KDM1B: variants seen among roughly 807,000 people sequenced by gnomAD.
KDM1B encodes the protein lysine demethylase 1B.
Under a neutral mutation model 107.4 loss-of-function variants are expected in KDM1B, and 63 were observed. That is an observed-to-expected ratio of 0.59 (90% CI 0.48 to 0.72). The LOEUF is 0.72. Ranked by LOEUF, KDM1B falls within the 30% of genes least tolerant of loss-of-function variation. KDM1B has a pLI of 0.00. For missense variants in KDM1B, 749 were observed against 1,020.8 expected (o/e 0.73, Z 3.63); for synonymous variants, 363 against 363.9 (o/e 1.00, Z 0.03).
At chr6:18,219,041 C>T (rs761507226) in intron 21 of KDM1B, among the ~76,000 whole-genome samples, 15 of 152,022 alleles carry the variant, frequency 9.9e-5, no homozygotes, top group Middle Eastern at 3.4e-3. Flanking sequence ...TAGCTGGGAC[C>T]ACAGGCGCCC....
rs1332620736 is a variant in KDM1B, at chr6:18,155,802, G to C, written c.-57-81G>C. 6.6e-6 allele frequency: 1 copy of C among 152,310 alleles called. No homozygotes were observed. The highest frequency in any genetic ancestry group is 1.5e-5 in the Non-Finnish European group (1 of 68,116). The allele number at this position is 152,310 out of a possible 1,614,324, so 9.4% of individuals were successfully genotyped here. A position where few individuals can be genotyped will look rare whatever the true frequency, so the allele number is the denominator to read the frequency against. ...GAAGAAGGGGGAATTCCCGGGCTAG[G>C]GTGTTGGGGCGTGGGGTCGCCGGGT... On this transcript the variant is annotated intron_variant, in intron 1 of 21. Transcript: ENST00000650836. This position sits in a 1 kb window ranked among gnomAD's most constrained non-coding sequence, Gnocchi z 6.2.
intron 6 of KDM1B, among the ~76,000 whole-genome samples, chr6:18,167,767 C>T (rs908345053): frequency 6.6e-6 from 1 of 151,986 alleles, no homozygotes. Context: ...AGCCACAATG[C>T]CCAATTTTTT....
rs1786839462 is a variant in KDM1B, at chr6:18,186,189, C to T, written c.573+379C>T. Among the ~76,000 whole-genome samples the T allele has an allele frequency of 6.6e-6, 1 of 152,120 alleles. No individual in the cohort carries two copies. Among genetic ancestry groups the T allele is most frequent in the Non-Finnish European group, 1.5e-5 (1 of 68,036 alleles). On this transcript the variant is annotated intron_variant, in intron 8 of 21. Transcript: ENST00000650836. This position sits in a 1 kb window ranked among gnomAD's most constrained non-coding sequence, Gnocchi z 5.6. Reference sequence around the variant, plus strand: ...AGGGCCACAATTTGATCGTCTTGGCCTGGATTCAGCTGCAGGAGTGTTCTT... The same window carrying T: ...AGGGCCACAATTTGATCGTCTTGGCTTGGATTCAGCTGCAGGAGTGTTCTT...
rs760949247 is a variant in KDM1B, at chr6:18,187,934, G to A, written c.716G>A (p.Arg239His). The A allele has an allele frequency of 5.8e-6, 9 of 1,550,280 alleles. No homozygotes were observed. The highest frequency in any genetic ancestry group is 2.7e-5 in the African/African-American group (2 of 73,028). The part of the protein sequence containing the change: ...GMSPSCTSTN[R>H]AAATGNASPG... ...AGCCCCTCCTGCACCAGCACAAACC[G>A]CGCCGCTGCCACTGGCAATGCCAGC... The change falls in exon 9 of 22, where the codon CGC (arginine) becomes CAC (histidine). Residue 239 changes from arginine (R) to histidine (H), a missense_variant. Arg to His is a conservative substitution (Grantham distance 29, BLOSUM62 0). Transcript: ENST00000650836.
intron 7 of KDM1B, 53 bp from the exon 8 acceptor site, chr6:18,185,719 T>G: frequency 2.4e-5 from 35 of 1,482,254 alleles, no homozygotes; most frequent in Non-Finnish European, 3.2e-5. Context: ...AATGGATACC[T>G]GAGACTATAT....
chr6:18,207,209 C>G (rs756872217), intron 15 of KDM1B, among the ~76,000 whole-genome samples, 189 bp from the exon 16 acceptor site: 1 of 152,144 alleles, frequency 6.6e-6, no homozygotes, highest in Non-Finnish European at 1.5e-5. Context: ...CTTTTGTTCT[C>G]AAATAAACTT....
In KDM1B at chr6:18,212,348, T is replaced by A; in HGVS notation, c.1867-140T>A. 1 of 712,436 alleles carries A rather than the reference T, an allele frequency of 1.4e-6. No homozygotes were observed. The allele number at this position is 712,436 out of a possible 1,614,324, so 44.1% of individuals were successfully genotyped here. On this transcript the variant is annotated intron_variant, in intron 17 of 21. Coordinates refer to ENST00000650836, the MANE Select transcript of KDM1B (RefSeq NM_001364614.2). This position sits in a 1 kb window ranked among gnomAD's most constrained non-coding sequence, Gnocchi z 5.2. The stretch of plus-strand genomic sequence containing the variant: ...CTGCTTAGCCAGGCATTGGCACCCT[T>A]GTGCAGTGAGCAACCTGCACAGTTG...
At chr6:18,171,993 C>G (rs1785694061) in intron 7 of KDM1B, among the ~76,000 whole-genome samples, 1 of 152,050 alleles carries the variant, frequency 6.6e-6, no homozygotes, top group Admixed American at 6.6e-5. Flanking sequence ...AATTTTTTTG[C>G]TAGTTTTGGT....
intron 7 of KDM1B, among the ~76,000 whole-genome samples, chr6:18,173,145 G>A (rs1013780373): frequency 2.7e-5 from 4 of 150,690 alleles, no homozygotes; most frequent in Non-Finnish European, 5.9e-5. Flanking sequence ...TATGTTTAAT[G>A]TTTGCAAAAC....
In KDM1B at chr6:18,162,689, T is replaced by A; in HGVS notation, c.216-146T>A. 2 of 602,836 alleles carry A rather than the reference T, an allele frequency of 3.3e-6. No individual in the cohort carries two copies. Among genetic ancestry groups the A allele is most frequent in the Non-Finnish European group, 6.0e-6 (2 of 333,730 alleles). The allele number at this position is 602,836 out of a possible 1,614,324, so 37.3% of individuals were successfully genotyped here. On this transcript the variant is annotated intron_variant, in intron 4 of 21. Coordinates refer to ENST00000650836, the MANE Select transcript of KDM1B (RefSeq NM_001364614.2). This position sits in a 1 kb window ranked among gnomAD's most constrained non-coding sequence, Gnocchi z 4.1. ...CCTGTGTGTTATTATCTACTAGTAA[T>A]CCATTCCTGTTTCCCCTGTCCTTAA...
chr6:18,220,776 CTTT>C (rs777242091), intron 21 of KDM1B, among the ~76,000 whole-genome samples: 2 of 142,516 alleles, frequency 1.4e-5, no homozygotes, highest in Admixed American at 7.0e-5. Flanking sequence ...TCACCTTTTC[CTTT>C]TTTTTTTTTT....
Position 18,200,542 on chromosome 6 carries a change from G to A in KDM1B, c.1325G>A (p.Cys442Tyr). The change falls in exon 13 of 22, where the codon TGT becomes TAT. Residue 442 changes from cysteine to tyrosine, a missense_variant. Physicochemically the swap from Cys to Tyr is radical, Grantham distance 194 (BLOSUM62 -2). Transcript: ENST00000650836. This position sits in a 1 kb window ranked among gnomAD's most constrained non-coding sequence, Gnocchi z 4.3. ...VGRGAQIVNG[C>Y]INNPVALMCE... ...AGAGGAGCTCAGATTGTCAATGGGT[G>A]TATTAACAACCCAGTAGCATTAATG... The A allele has an allele frequency of 6.2e-7, 1 of 1,613,422 alleles. No homozygotes were observed. The highest frequency in any genetic ancestry group is 8.5e-7 in the Non-Finnish European group (1 of 1,179,474).
chr6:18,189,982 A>G (rs1365796409), intron 9 of KDM1B, among the ~76,000 whole-genome samples: 2 of 150,308 alleles, frequency 1.3e-5, no homozygotes, highest in Non-Finnish European at 3.0e-5. Flanking sequence ...CGTCTCTACT[A>G]AAAAAAAATA....
intron 9 of KDM1B, among the ~76,000 whole-genome samples, chr6:18,189,047 G>A (rs1787094087): frequency 6.6e-6 from 1 of 152,032 alleles, no homozygotes. Flanking sequence ...GCCTCCCAAA[G>A]TGCTGGGATT....
chr6:18,184,273 C>CTTCTTTTTTTTTTTTTTTTTTTTTTT (rs1554144142), intron 7 of KDM1B, among the ~76,000 whole-genome samples: 2 of 116,650 alleles, frequency 1.7e-5, no homozygotes, highest in Non-Finnish European at 3.5e-5. Context: ...GTTCTAGCTT[C>CTTCTTTTTTTTTTTTTTTTTTTTTTT]TTTTTTTTTT....
In KDM1B at chr6:18,205,675, G is replaced by A. The variant is rs1378000047; in HGVS notation, c.1659+11G>A. On this transcript the variant is annotated intron_variant, in intron 15 of 21. Transcript: ENST00000650836. The surrounding 1 kb of genome is among the most constrained non-coding windows in gnomAD (Gnocchi z 5.7). The stretch of plus-strand genomic sequence containing the variant: ...AGCAACCTTCACCAGGTGCGCTTGG[G>A]TTTTGTGAAAGGTGTGCTTTGAAAA... 2.3e-5 allele frequency: 34 copies of A among 1,492,458 alleles called. No individual in the cohort carries two copies. Among genetic ancestry groups the A allele is most frequent in the South Asian group, 5.3e-5 (4 of 75,936 alleles). 92.5% of individuals were successfully genotyped at this position (1,492,458 alleles called of 1,614,324 possible).
Position 18,209,294 on chromosome 6 carries a change from T to C in KDM1B, c.1866+1088T>C, listed in dbSNP as rs28634272. On this transcript the variant is annotated intron_variant, in intron 17 of 21. Coordinates refer to ENST00000650836, the MANE Select transcript of KDM1B (RefSeq NM_001364614.2). This position sits in a 1 kb window ranked among gnomAD's most constrained non-coding sequence, Gnocchi z 4.3. The stretch of plus-strand genomic sequence containing the variant: ...AGTTTAGTTATATCTTAAGTGACTA[T>C]GAAAAAATATAATTGATGAACTATC... 0.05 allele frequency among the ~76,000 whole-genome samples: 7,630 copies of C among 152,250 alleles called. 323 individuals are homozygous for C. Among genetic ancestry groups the C allele is most frequent in the African/African-American group, 0.12 (5,057 of 41,534 alleles).
intron 6 of KDM1B, among the ~76,000 whole-genome samples, chr6:18,167,528 C>T (rs1475414474): frequency 6.6e-6 from 1 of 151,210 alleles, no homozygotes; most frequent in Non-Finnish European, 1.5e-5. Context: ...GGCTGTAGTG[C>T]AGTGGCACAA....
At chr6:18,169,510 G>A (rs1424792951) in intron 6 of KDM1B, among the ~76,000 whole-genome samples, 1 of 152,176 alleles carries the variant, frequency 6.6e-6, no homozygotes, top group African/African-American at 2.4e-5. Flanking sequence ...ATAGGCGTGA[G>A]CCACCGTGCC....
Sources: allele counts gnomAD v4.1 joint callset (sites outside exome capture counted in the v4.1 genomes callset), GRCh38; gene constraint gnomAD v4.1.1; non-coding constraint Gnocchi (gnomAD v3.1); transcripts MANE v1.5; gene names NCBI Gene and HGNC (gene_info 2026-07-23, HGNC 2026-07-21).